Variants in PSD3 observed in about 807,000 individuals in gnomAD.
The protein encoded by PSD3 is PH and SEC7 domain-containing protein 3.
A neutral mutation model predicts 105.5 loss-of-function variants in PSD3; 49 were observed. The ratio of observed to expected loss-of-function variants is 0.46; its 90% CI spans 0.37 to 0.59. PSD3 has a LOEUF of 0.59. Among genes scored for constraint, PSD3 ranks in the 20% least tolerant of loss-of-function variants. The pLI is 0.00. For missense variants in PSD3, 1,561 were observed against 1,263.8 expected (o/e 1.24, Z -3.57); for synonymous variants, 557 against 457.8 (o/e 1.22, Z -2.77).
chr8:18,760,621 T>G (rs1806436054), intron 9 of PSD3, among the ~76,000 whole-genome samples: 1 of 152,248 alleles, frequency 6.6e-6, no homozygotes, highest in Non-Finnish European at 1.5e-5. Flanking sequence ...CTACCACATT[T>G]TATCCATTCG....
At chr8:18,808,418 C>T (rs1354537293) in intron 4 of PSD3, among the ~76,000 whole-genome samples, 1 of 152,170 alleles carries the variant, frequency 6.6e-6, no homozygotes, top group Non-Finnish European at 1.5e-5. Context: ...AATGAGAACA[C>T]ATTTTAAAAA....
intron 1 of PSD3, among the ~76,000 whole-genome samples, chr8:18,955,113 G>C (rs1312750514): frequency 6.6e-6 from 1 of 152,208 alleles, no homozygotes; most frequent in Admixed American, 6.5e-5. Context: ...AGATGTTGTG[G>C]CTGCTTGAGG....
intron 8 of PSD3, among the ~76,000 whole-genome samples, chr8:18,782,319 C>T (rs335236): frequency 0.011 from 1,710 of 151,842 alleles, 17 homozygotes; most frequent in Non-Finnish European, 0.018. Context: ...GATTGGGTTT[C>T]GAAGGGAAAG....
At chr8:18,708,190 C>T (rs767077604) in intron 9 of PSD3, among the ~76,000 whole-genome samples, 7 of 152,160 alleles carry the variant, frequency 4.6e-5, no homozygotes, top group African/African-American at 2.4e-5. Flanking sequence ...ACTCTTTCTT[C>T]CTTCTTTACA....
At position 18,575,274 on chromosome 8, in the gene PSD3, C is replaced by T. The variant is rs771252956; in HGVS notation, c.2493G>A (p.Lys831=). The change falls in exon 13 of 16, where the codon AAG becomes AAA. Residue 831 remains lysine (K), a synonymous_variant. Transcript: ENST00000327040. ...TVLYLQKDEY[K]PEKALSEEDL... Reference sequence around the variant, plus strand: ...CCTCTTCAGACAAGGCCTTTTCTGGCTTGTATTCATCCTATAGATGGACAC... The same window carrying T: ...CCTCTTCAGACAAGGCCTTTTCTGGTTTGTATTCATCCTATAGATGGACAC... The T allele has an allele frequency of 1.2e-6, 2 of 1,608,444 alleles. No individual in the cohort carries two copies. Among genetic ancestry groups the T allele is most frequent in the South Asian group, 2.2e-5 (2 of 90,040 alleles).
At chr8:18,916,766 G>T (rs1052662395) in intron 2 of PSD3, among the ~76,000 whole-genome samples, 1 of 151,848 alleles carries the variant, frequency 6.6e-6, no homozygotes, top group African/African-American at 2.4e-5. Flanking sequence ...GTAAGGTAAA[G>T]AATATGTTAA....
At chr8:18,765,986 CA>C (rs1335143282) in intron 8 of PSD3, among the ~76,000 whole-genome samples, 1 of 141,322 alleles carries the variant, frequency 7.1e-6, no homozygotes, top group African/African-American at 2.6e-5. Flanking sequence ...AAACCAAAAA[CA>C]AAAAACAGAC....
intron 1 of PSD3, among the ~76,000 whole-genome samples, chr8:18,968,871 A>T (rs1824452226): frequency 7.6e-6 from 1 of 130,968 alleles, no homozygotes; most frequent in African/African-American, 2.7e-5. Context: ...GCAAAAAAAA[A>T]ATGTCTCCAA....
intron 1 of PSD3, among the ~76,000 whole-genome samples, chr8:18,987,031 C>T (rs928416390): frequency 1.3e-5 from 2 of 152,102 alleles, no homozygotes; most frequent in African/African-American, 4.8e-5. Flanking sequence ...TTTGCAACCT[C>T]CGGCACAAAT....
chr8:18,660,849 C>G (rs1009511794), intron 9 of PSD3, among the ~76,000 whole-genome samples: 21 of 152,198 alleles, frequency 1.4e-4, no homozygotes, highest in Admixed American at 4.6e-4. Context: ...CTAGCCAGGA[C>G]AGAATGACTC....
intron 9 of PSD3, chr8:18,683,726 T>C: frequency 1.3e-6 from 1 of 752,068 alleles, no homozygotes. Context: ...CCAATTCTGT[T>C]GCCCTGCCAC....
At chr8:18,836,117 G>A (rs1357558514) in intron 4 of PSD3, among the ~76,000 whole-genome samples, 1 of 152,166 alleles carries the variant, frequency 6.6e-6, no homozygotes, top group Non-Finnish European at 1.5e-5. Flanking sequence ...CTGAATACTG[G>A]AGACCTAGCG....
chr8:18,541,909 C>T lies in PSD3; in HGVS notation c.2929-5951G>A, dbSNP rs535541334. ...GGGATTACAGGTATGCGCGCCACCA[C>T]GCCTGGCTGATTTTGTATTTTTACT... is the stretch of plus-strand genomic sequence containing the variant. On this transcript the variant is annotated intron_variant, in intron 15 of 15. Coordinates refer to ENST00000327040, the MANE Select transcript of PSD3 (RefSeq NM_015310.4). Among the ~76,000 whole-genome samples the T allele has an allele frequency of 9.9e-5, 15 of 152,120 alleles. No individual in the cohort carries two copies. In the South Asian group the frequency reaches 2.9e-3, roughly 30 times the overall value.
intron 14 of PSD3, among the ~76,000 whole-genome samples, chr8:18,565,922 C>G (rs151323234): frequency 3.7e-4 from 57 of 152,186 alleles, no homozygotes; most frequent in African/African-American, 1.2e-3. Flanking sequence ...CGCTAAACAT[C>G]CTACAATTCA....
Position 18,863,014 on chromosome 8 carries a change from T to G in PSD3, c.1634+4660A>C, listed in dbSNP as rs79573756. ...TAATTCACCTGTTCTGCCATACCCG[T>G]TAGTATCCCGAGCAAGATCTGAAAG... is the stretch of plus-strand genomic sequence containing the variant. On this transcript the variant is annotated intron_variant, in intron 4 of 15. Transcript: ENST00000327040. 6.9e-3 allele frequency among the ~76,000 whole-genome samples: 1,052 copies of G among 152,238 alleles called. 9 individuals are homozygous for G. Among genetic ancestry groups the G allele is most frequent in the African/African-American group, 0.024 (995 of 41,534 alleles).
chr8:18,808,021 T>C (rs1250925334), intron 4 of PSD3, among the ~76,000 whole-genome samples: 1 of 152,220 alleles, frequency 6.6e-6, no homozygotes, highest in Admixed American at 6.5e-5. Context: ...AACTGAATAA[T>C]CATTATCGAC....
At chr8:18,953,450 A>C (rs1823370092) in intron 1 of PSD3, among the ~76,000 whole-genome samples, 1 of 152,210 alleles carries the variant, frequency 6.6e-6, no homozygotes, top group Non-Finnish European at 1.5e-5. Context: ...GTCCATCAAT[A>C]TACAAATGGC....
At chr8:18,581,560 C>A (rs543720016) in intron 12 of PSD3, among the ~76,000 whole-genome samples, 7 of 152,304 alleles carry the variant, frequency 4.6e-5, no homozygotes, top group African/African-American at 1.7e-4. Flanking sequence ...TGTTGTATAT[C>A]ACAAGCTCTA....
chr8:18,723,962 T>C (rs575480311), intron 9 of PSD3, among the ~76,000 whole-genome samples: 1 of 152,282 alleles, frequency 6.6e-6, no homozygotes, highest in South Asian at 2.1e-4. Flanking sequence ...AAGCTTCCAG[T>C]AGTCACAGCA....
Sources: allele counts gnomAD v4.1 joint callset (sites outside exome capture counted in the v4.1 genomes callset), GRCh38; gene constraint gnomAD v4.1.1; transcripts MANE v1.5; gene names NCBI Gene and HGNC (gene_info 2026-07-23, HGNC 2026-07-21).